TRMT9B: variants seen among roughly 807,000 people sequenced by gnomAD.
The protein encoded by TRMT9B is probable tRNA methyltransferase 9B.
A neutral mutation model predicts 11.5 loss-of-function variants in TRMT9B; 16 were observed. The ratio of observed to expected loss-of-function variants is 1.39; its 90% CI spans 0.94 to 2.11. The LOEUF is 2.11. Among genes scored for constraint, TRMT9B ranks in the 30% most tolerant of loss-of-function variants. The pLI is 0.00. For synonymous variants in TRMT9B, 274 were observed against 192.4 expected (o/e 1.42, Z -3.51); for missense variants, 941 against 553.8 (o/e 1.70, Z -7.02).
At chr8:13,002,769 C>T (rs1585305046) in intron 2 of TRMT9B, among the ~76,000 whole-genome samples, 1 of 152,238 alleles carries the variant, frequency 6.6e-6, no homozygotes, top group South Asian at 2.1e-4. Flanking sequence ...ACAATATTTG[C>T]ATAGTCTCAA....
chr8:12,987,310 T>C (rs917008659), intron 1 of TRMT9B, among the ~76,000 whole-genome samples: 4 of 152,168 alleles, frequency 2.6e-5, no homozygotes, highest in Non-Finnish European at 4.4e-5. Context: ...GCCTGGCCCA[T>C]AGCAAATAAT....
rs546996783 is a variant in TRMT9B, at chr8:13,010,347, A to G, written c.155-2337A>G. ...GAAATTGAAGTTAAAGAAGAAAGAA[A>G]TGAAAAAGAAAGAAGTTCAAAGGGA... On this transcript the variant is annotated intron_variant, in intron 3 of 4. Transcript: ENST00000524591. The G allele has an allele frequency of 1.5e-3, 1,430 of 973,534 alleles. 6 individuals carry two copies. The highest frequency in any genetic ancestry group is 1.7e-3 in the Non-Finnish European group (1,374 of 819,318). The allele number at this position is 973,534 out of a possible 1,614,324, so 60.3% of individuals were successfully genotyped here.
chr8:12,946,443 A>T (rs1429508735), intron 1 of TRMT9B, among the ~76,000 whole-genome samples: 1 of 152,186 alleles, frequency 6.6e-6, no homozygotes, highest in Non-Finnish European at 1.5e-5. Flanking sequence ...GGGCAAGAAG[A>T]AGCAGAGTCT....
chr8:12,950,942 A>G (rs1284265010), intron 1 of TRMT9B, among the ~76,000 whole-genome samples: 3 of 152,202 alleles, frequency 2.0e-5, no homozygotes, highest in Non-Finnish European at 4.4e-5. Context: ...CAGAGCGGTT[A>G]CTAAATGTGC....
chr8:13,005,640 G>T (rs139008487), intron 2 of TRMT9B, among the ~76,000 whole-genome samples: 110 of 152,222 alleles, frequency 7.2e-4, no homozygotes, highest in African/African-American at 2.4e-3. Flanking sequence ...TAATTATGAC[G>T]TAATTGAAAT....
At position 13,023,643 on chromosome 8, in the gene TRMT9B, G is replaced by GA. The variant is rs1463275882; in HGVS notation, c.*1603dup. 3.0e-5 allele frequency: 5 copies of GA among 167,178 alleles called. No homozygotes were observed. In the East Asian group the frequency reaches 9.6e-4, roughly 32 times the overall value. 10.4% of individuals were successfully genotyped at this position (167,178 alleles called of 1,614,324 possible). ...ACAGTCTCAAGTAGTTCATTAATGA[G>GA]AAAATTGACATCTGACAAGAGTCTT... On this transcript the variant is annotated 3_prime_UTR_variant, in exon 5 of 5. Transcript: ENST00000524591.
chr8:12,974,984 T>C (rs1485095522), intron 1 of TRMT9B, among the ~76,000 whole-genome samples: 3 of 151,738 alleles, frequency 2.0e-5, no homozygotes, highest in Admixed American at 6.6e-5. Flanking sequence ...GAAGTTAGGG[T>C]TGAGACTGGA....
chr8:13,015,771 G>A (rs1812537542), intron 4 of TRMT9B, among the ~76,000 whole-genome samples: 1 of 151,990 alleles, frequency 6.6e-6, no homozygotes, highest in African/African-American at 2.4e-5. Flanking sequence ...TGCTTATCTG[G>A]CTAAGTCCTC....
At chr8:13,016,727 G>T (rs1436126867) in intron 4 of TRMT9B, among the ~76,000 whole-genome samples, 1 of 151,498 alleles carries the variant, frequency 6.6e-6, no homozygotes, top group Non-Finnish European at 1.5e-5. Context: ...TCAGGCTAGT[G>T]CTTCTCAACT....
intron 1 of TRMT9B, among the ~76,000 whole-genome samples, chr8:12,972,475 A>G (rs1803785219): frequency 6.6e-6 from 1 of 152,178 alleles, no homozygotes; most frequent in Admixed American, 6.5e-5. Flanking sequence ...CCTATTGGAA[A>G]CAAATGCCGC....
chr8:13,026,090 A>G lies in TRMT9B; in HGVS notation c.*4046A>G, dbSNP rs1430214504. 2 of 167,020 alleles carry G rather than the reference A, an allele frequency of 1.2e-5. No individual in the cohort carries two copies. Among genetic ancestry groups the G allele is most frequent in the African/African-American group, 4.8e-5 (2 of 41,426 alleles). The allele number at this position is 167,020 out of a possible 1,614,324, so 10.3% of individuals were successfully genotyped here. On this transcript the variant is annotated 3_prime_UTR_variant, in exon 5 of 5. Transcript: ENST00000524591. ...AACTTGGTGGGGGAGGGCACAGGTTAAATATGAGCTGTGAGCCCCCAGTTT... is the reference window on the plus strand; with the variant it reads ...AACTTGGTGGGGGAGGGCACAGGTTGAATATGAGCTGTGAGCCCCCAGTTT...
chr8:12,972,910 C>A (rs1354964585), intron 1 of TRMT9B, among the ~76,000 whole-genome samples: 1 of 152,158 alleles, frequency 6.6e-6, no homozygotes. Context: ...TCTTGTGCAA[C>A]CATCACTATG....
chr8:13,006,057 T>C (rs1436378588), intron 2 of TRMT9B, 145 bp from the exon 3 acceptor site: 2 of 702,896 alleles, frequency 2.8e-6, no homozygotes, highest in South Asian at 2.3e-5. Context: ...GTGAAGGTAT[T>C]GTTCTTTGCA....
intron 1 of TRMT9B, among the ~76,000 whole-genome samples, chr8:12,952,945 G>C (rs1800819195): frequency 1.3e-5 from 2 of 152,120 alleles, no homozygotes. Context: ...TCACCATGTT[G>C]GTCAGGCTGG....
chr8:12,970,050 C>T (rs1325201907), intron 1 of TRMT9B: 7 of 152,080 alleles, frequency 4.6e-5, no homozygotes, highest in Non-Finnish European at 4.4e-5. Flanking sequence ...CCATGCATAA[C>T]GAGGCAGAAC....
At chr8:12,985,513 C>T (rs1201402445) in intron 1 of TRMT9B, among the ~76,000 whole-genome samples, 1 of 152,160 alleles carries the variant, frequency 6.6e-6, no homozygotes, top group South Asian at 2.1e-4. Flanking sequence ...TGTATCCACC[C>T]GTCATATGCT....
chr8:12,965,317 T>C (rs1038318244), intron 1 of TRMT9B, among the ~76,000 whole-genome samples: 6 of 152,078 alleles, frequency 3.9e-5, no homozygotes, highest in Admixed American at 3.3e-4. Flanking sequence ...AGGAGCTCAG[T>C]TGGAAAGAAA....
intron 1 of TRMT9B, among the ~76,000 whole-genome samples, chr8:12,986,258 C>A (rs1394309046): frequency 6.6e-6 from 1 of 152,150 alleles, no homozygotes; most frequent in East Asian, 1.9e-4. Context: ...AGTCTAAAAC[C>A]TACACCTCCT....
In TRMT9B at chr8:12,976,812, G is replaced by A. The variant is rs186629145; in HGVS notation, c.-199-14022G>A. ...CGGAAAGACTGGATTCCAGAACTTG[G>A]CATGACTTTAAACCCAGGAAAGAGC... On this transcript the variant is annotated intron_variant, in intron 1 of 4. Coordinates refer to ENST00000524591, the MANE Select transcript of TRMT9B (RefSeq NM_020844.3). Among the ~76,000 whole-genome samples, 10 of 152,248 alleles carry A rather than the reference G, an allele frequency of 6.6e-5. No individual in the cohort carries two copies. The East Asian group carries it at 1.4e-3, about 21-fold the overall frequency.
Sources: allele counts gnomAD v4.1 joint callset (sites outside exome capture counted in the v4.1 genomes callset), GRCh38; gene constraint gnomAD v4.1.1; transcripts MANE v1.5; gene names NCBI Gene and HGNC (gene_info 2026-07-23, HGNC 2026-07-21).